The following PTPRO variants were observed in gnomAD, a reference collection of about 807,000 sequenced individuals.
The protein encoded by PTPRO is protein tyrosine phosphatase receptor type O, also known as receptor-type tyrosine-protein phosphatase O.
Under a neutral mutation model 145.2 loss-of-function variants are expected in PTPRO, and 62 were observed. That is an observed-to-expected ratio of 0.43 (90% CI 0.35 to 0.53). The LOEUF (loss-of-function observed/expected upper bound fraction) is 0.53. Ranked by LOEUF, PTPRO falls within the 20% of genes least tolerant of loss-of-function variation. PTPRO has a pLI of 0.01. For missense variants in PTPRO, 1,345 were observed against 1,482.7 expected (o/e 0.91, Z 1.53); for synonymous variants, 565 against 514.7 (o/e 1.10, Z -1.32).
intron 15 of PTPRO, among the ~76,000 whole-genome samples, chr12:15,552,577 T>G (rs938780940): frequency 6.6e-6 from 1 of 152,080 alleles, no homozygotes; most frequent in African/African-American, 2.4e-5. Flanking sequence ...ACTGGATATA[T>G]GAATAGATAG....
Position 15,557,495 on chromosome 12 carries a change from G to T in PTPRO, c.2599G>T (p.Glu867Ter). 6.2e-7 allele frequency: 1 copy of T among 1,613,910 alleles called. No homozygotes were observed. The highest frequency in any genetic ancestry group is 8.5e-7 in the Non-Finnish European group (1 of 1,179,816). ...AGTFVNFASLERDGKLPYNWR... is the reference protein window; with the variant it reads ...AGTFVNFASL ...TACATTTGTCAATTTTGCATCCTTA[G>T]AGAGGGATGGAAAGCTTCCATACAA... The change falls in exon 16 of 27, where the codon GAG (glutamate) becomes TAG (stop). Residue 867 changes from glutamate (E) to a stop codon, truncating the protein, a stop_gained. Transcript: ENST00000281171. LOFTEE classifies it high-confidence loss of function.
intron 19 of PTPRO, among the ~76,000 whole-genome samples, chr12:15,575,790 T>C (rs1051033793): frequency 1.3e-5 from 2 of 152,196 alleles, no homozygotes; most frequent in African/African-American, 4.8e-5. Flanking sequence ...CTGAAGACTC[T>C]AGGGAAGAAT....
At chr12:15,433,319 G>A (rs1252183960) in intron 1 of PTPRO, among the ~76,000 whole-genome samples, 2 of 152,050 alleles carry the variant, frequency 1.3e-5, no homozygotes, top group Non-Finnish European at 2.9e-5. Flanking sequence ...GGAACTACAA[G>A]TGTGTGCCAC....
intron 1 of PTPRO, among the ~76,000 whole-genome samples, chr12:15,330,420 G>A (rs1407997066): frequency 1.3e-5 from 2 of 152,164 alleles, no homozygotes; most frequent in Non-Finnish European, 2.9e-5. Context: ...GTGCTGGACA[G>A]TCTACTCTCG....
At chr12:15,554,502 C>T (rs1007018103) in intron 15 of PTPRO, among the ~76,000 whole-genome samples, 2 of 151,902 alleles carry the variant, frequency 1.3e-5, no homozygotes, top group Non-Finnish European at 2.9e-5. Flanking sequence ...GATCACAAGG[C>T]CCCACAGTAG....
chr12:15,582,069 A>G (rs1944332589), intron 23 of PTPRO, among the ~76,000 whole-genome samples: 1 of 152,234 alleles, frequency 6.6e-6, no homozygotes, highest in Non-Finnish European at 1.5e-5. Flanking sequence ...CCTTATGGGA[A>G]ATAAAGGGAT....
intron 10 of PTPRO, among the ~76,000 whole-genome samples, chr12:15,523,436 G>T (rs1942769450): frequency 6.6e-6 from 1 of 152,176 alleles, no homozygotes; most frequent in Non-Finnish European, 1.5e-5. Flanking sequence ...TATAAAGCTT[G>T]TGATGAATTC....
chr12:15,486,832 TTTA>T (rs1941898507), intron 2 of PTPRO, among the ~76,000 whole-genome samples: 1 of 151,380 alleles, frequency 6.6e-6, no homozygotes. Context: ...ATTATTAATA[TTTA>T]TTATTATAAT....
Position 15,322,686 on chromosome 12 carries a change from C to T in PTPRO, c.-41C>T, listed in dbSNP as rs375272425. ...ATTGTGAGCCGCCGCCGGGGGAGTC[C>T]GCTAGCGCAGCCGTGCCCCCGAGTC... On this transcript the variant is annotated 5_prime_UTR_variant, in exon 1 of 27. Coordinates refer to ENST00000281171, the MANE Select transcript of PTPRO (RefSeq NM_030667.3). The surrounding 1 kb of genome is among the most constrained non-coding windows in gnomAD (Gnocchi z 6.3). 9.6e-6 allele frequency: 15 copies of T among 1,562,798 alleles called. No individual in the cohort carries two copies. In the South Asian group the frequency reaches 1.3e-4, roughly 13 times the overall value.
At chr12:15,404,557 A>G (rs919150372) in intron 1 of PTPRO, among the ~76,000 whole-genome samples, 2 of 152,132 alleles carry the variant, frequency 1.3e-5, no homozygotes, top group Admixed American at 1.3e-4. Context: ...TTGGCTTTCA[A>G]TATGTTGTGA....
At chr12:15,346,006 A>G (rs554042748) in intron 1 of PTPRO, among the ~76,000 whole-genome samples, 1 of 152,264 alleles carries the variant, frequency 6.6e-6, no homozygotes, top group Admixed American at 6.5e-5. Context: ...AGAGAGTCCA[A>G]ATCAGAAACT....
chr12:15,445,256 T>G (rs2136367570), intron 1 of PTPRO, among the ~76,000 whole-genome samples: 1 of 152,288 alleles, frequency 6.6e-6, no homozygotes, highest in South Asian at 2.1e-4. Context: ...TATGCTAATT[T>G]TGTACAGTGG....
intron 23 of PTPRO, 23 bp from the exon 24 acceptor site, chr12:15,586,874 G>A: frequency 1.2e-6 from 2 of 1,613,880 alleles, no homozygotes; most frequent in Non-Finnish European, 1.7e-6. Flanking sequence ...ATTAATGCTT[G>A]TTTTTGGCTT....
intron 2 of PTPRO, among the ~76,000 whole-genome samples, chr12:15,485,781 G>A (rs1440804290): frequency 6.6e-6 from 1 of 152,130 alleles, no homozygotes; most frequent in Non-Finnish European, 1.5e-5. Context: ...TTTGCAATGA[G>A]TTCCATTCAA....
chr12:15,458,448 T>G (rs930711263), intron 1 of PTPRO, among the ~76,000 whole-genome samples: 2 of 152,072 alleles, frequency 1.3e-5, no homozygotes, highest in African/African-American at 2.4e-5. Context: ...TCTGTCTCTC[T>G]TCTTGTGAAA....
At chr12:15,567,568 G>C (rs137931391) in intron 18 of PTPRO, among the ~76,000 whole-genome samples, 17 of 151,418 alleles carry the variant, frequency 1.1e-4, no homozygotes, top group African/African-American at 3.9e-4. Flanking sequence ...ACTTTGTCTG[G>C]TTTGCCTTCT....
At chr12:15,334,812 T>C (rs1866709154) in intron 1 of PTPRO, among the ~76,000 whole-genome samples, 1 of 152,150 alleles carries the variant, frequency 6.6e-6, no homozygotes, top group South Asian at 2.1e-4. Context: ...TTCTGGAGTA[T>C]AAAAATAGCA....
intron 8 of PTPRO, among the ~76,000 whole-genome samples, chr12:15,516,397 GA>G (rs1942588048): frequency 6.8e-6 from 1 of 147,774 alleles, no homozygotes; most frequent in South Asian, 2.1e-4. Flanking sequence ...GAGAGAGAGA[GA>G]GAAAGAAAGA....
chr12:15,382,523 C>T (rs139794557), intron 1 of PTPRO, among the ~76,000 whole-genome samples: 36 of 152,276 alleles, frequency 2.4e-4, no homozygotes, highest in African/African-American at 7.9e-4. Flanking sequence ...TTGTCCATCT[C>T]GACTTCTCAG....
Sources: allele counts gnomAD v4.1 joint callset (sites outside exome capture counted in the v4.1 genomes callset), GRCh38; gene constraint gnomAD v4.1.1; non-coding constraint Gnocchi (gnomAD v3.1); transcripts MANE v1.5; gene names NCBI Gene and HGNC (gene_info 2026-07-23, HGNC 2026-07-21).